Variants in CENPW observed in about 807,000 individuals in gnomAD.
CENPW encodes the protein centromere protein W.
Under a neutral mutation model 11.1 loss-of-function variants are expected in CENPW, and 3 were observed. The ratio of observed to expected loss-of-function variants is 0.27; its 90% CI spans 0.12 to 0.70. The LOEUF (loss-of-function observed/expected upper bound fraction) is 0.70, where lower values mean the gene tolerates loss of function less well. CENPW is among the 30% of genes least tolerant of loss of function. The probability of loss-of-function intolerance (pLI) is 0.77; values close to 1 mark genes in which losing one functional copy is unlikely to be tolerated. For synonymous variants in CENPW, 38 were observed against 42.0 expected, an observed-to-expected ratio of 0.91 and a Z score of 0.37; for missense variants, 100 against 105.6, an observed-to-expected ratio of 0.95 and a Z score of 0.23.
At chr6:126,413,640 G>C in the CENPW span, among the ~76,000 whole-genome samples, 1 of 151,438 alleles carries the variant, frequency 6.6e-6, no homozygotes, top group African/African-American at 2.4e-5. Flanking sequence ...AAAACATGGA[G>C]AAATATATAA....
the CENPW span, among the ~76,000 whole-genome samples, chr6:126,445,477 C>G: frequency 6.6e-6 from 1 of 151,166 alleles, no homozygotes; most frequent in Non-Finnish European, 1.5e-5. Flanking sequence ...AGGATTTGAA[C>G]TCTTTTCCTT....
chr6:126,454,637 A>G, the CENPW span, among the ~76,000 whole-genome samples: 1 of 151,256 alleles, frequency 6.6e-6, no homozygotes, highest in Non-Finnish European at 1.5e-5. Flanking sequence ...TCTCTAATTA[A>G]TAACCTAACG....
the CENPW span, among the ~76,000 whole-genome samples, chr6:126,417,328 G>A: frequency 6.6e-6 from 1 of 152,144 alleles, no homozygotes; most frequent in Non-Finnish European, 1.5e-5. Context: ...TGGGCAGAAG[G>A]GACTTGTCAC....
chr6:126,452,688 A>T, the CENPW span, among the ~76,000 whole-genome samples: 2 of 151,076 alleles, frequency 1.3e-5, no homozygotes, highest in Admixed American at 6.6e-5. Flanking sequence ...TGCCAAAGAG[A>T]GAAAAAGTGC....
chr6:126,398,565 C>A, the CENPW span, among the ~76,000 whole-genome samples: 1 of 152,058 alleles, frequency 6.6e-6, no homozygotes, highest in African/African-American at 2.4e-5. Flanking sequence ...CTTATACTAT[C>A]TAATACAATG....
At chr6:126,413,005 C>T in the CENPW span, among the ~76,000 whole-genome samples, 13 of 152,044 alleles carry the variant, frequency 8.6e-5, no homozygotes, top group Non-Finnish European at 1.0e-4. Flanking sequence ...TGCTGTATAT[C>T]TTTATGACAT....
chr6:126,343,671 G>A (rs1780354797), intron 1 of CENPW, among the ~76,000 whole-genome samples: 1 of 152,226 alleles, frequency 6.6e-6, no homozygotes, highest in Non-Finnish European at 1.5e-5. Flanking sequence ...GGAGTCTGAT[G>A]TTCAAAGGCA....
At chr6:126,437,469 C>T in the CENPW span, among the ~76,000 whole-genome samples, 4 of 151,856 alleles carry the variant, frequency 2.6e-5, no homozygotes. Context: ...ACTTTGGCTC[C>T]TTGGTTGGTG....
chr6:126,347,373 A>G (rs1347629523), intron 2 of CENPW, among the ~76,000 whole-genome samples: 1 of 152,192 alleles, frequency 6.6e-6, no homozygotes, highest in Non-Finnish European at 1.5e-5. Flanking sequence ...TAATGTCTTA[A>G]ATAACTATAG....
At chr6:126,358,920 T>C in the CENPW span, among the ~76,000 whole-genome samples, 95 of 152,120 alleles carry the variant, frequency 6.2e-4, no homozygotes, top group African/African-American at 2.1e-3. Context: ...ACAATTTCAT[T>C]AAGTTCTTCT....
the CENPW span, among the ~76,000 whole-genome samples, chr6:126,420,415 A>G: frequency 6.6e-6 from 1 of 152,198 alleles, no homozygotes; most frequent in South Asian, 2.1e-4. Context: ...GCTGAAAAAT[A>G]AACTACAAAA....
At chr6:126,420,949 A>G in the CENPW span, among the ~76,000 whole-genome samples, 77 of 152,222 alleles carry the variant, frequency 5.1e-4, no homozygotes, top group African/African-American at 1.7e-3. Context: ...AGATTCTTTC[A>G]GAAGGCTTCT....
At chr6:126,372,582 A>G in the CENPW span, among the ~76,000 whole-genome samples, 1 of 152,178 alleles carries the variant, frequency 6.6e-6, no homozygotes, top group Non-Finnish European at 1.5e-5. Flanking sequence ...TCCTCAGACA[A>G]TATGTAATAT....
chr6:126,439,064 C>T, the CENPW span, among the ~76,000 whole-genome samples: 1 of 151,550 alleles, frequency 6.6e-6, no homozygotes, highest in African/African-American at 2.4e-5. Context: ...ATTGGATGAT[C>T]TGGATTTTTT....
At chr6:126,341,304 T>C (rs1200315525) in intron 1 of CENPW, among the ~76,000 whole-genome samples, 4 of 152,196 alleles carry the variant, frequency 2.6e-5, no homozygotes, top group African/African-American at 7.2e-5. Flanking sequence ...AATGGACACA[T>C]AATTTCCAGG....
chr6:126,409,530 C>T, the CENPW span, among the ~76,000 whole-genome samples: 1 of 152,014 alleles, frequency 6.6e-6, no homozygotes, highest in Non-Finnish European at 1.5e-5. Context: ...TATCAAACTA[C>T]TAATGGAGAG....
chr6:126,461,254 GT>G, the CENPW span, among the ~76,000 whole-genome samples: 1 of 149,000 alleles, frequency 6.7e-6, no homozygotes, highest in African/African-American at 2.5e-5. Context: ...AAAAATGGGA[GT>G]TTCCCTACAC....
At chr6:126,360,626 A>G in the CENPW span, among the ~76,000 whole-genome samples, 1 of 151,848 alleles carries the variant, frequency 6.6e-6, no homozygotes, top group Non-Finnish European at 1.5e-5. Flanking sequence ...ATTTTTTTAA[A>G]AATTATTTTT....
chr6:126,373,634 C>T, the CENPW span, among the ~76,000 whole-genome samples: 5 of 152,206 alleles, frequency 3.3e-5, no homozygotes, highest in East Asian at 5.8e-4. Flanking sequence ...CTTCTTCACT[C>T]GCTTGAGTTC....
Sources: gnomAD v4.1 joint callset for allele counts (sites outside exome capture counted in the v4.1 genomes callset) on GRCh38, gnomAD v4.1.1 for gene constraint, MANE v1.5 for transcripts, NCBI Gene and HGNC (gene_info 2026-07-23, HGNC 2026-07-21) for gene names.